Variants in TPP2 observed in about 807,000 individuals in gnomAD.
TPP2 encodes the protein tripeptidyl peptidase 2.
In TPP2, 34 loss-of-function variants were observed where a neutral mutation model predicts 155.9. The observed-to-expected ratio is 0.22, with a 90% CI of 0.17 to 0.29. The LOEUF is 0.29. Ranked by LOEUF, TPP2 falls within the 10% of genes least tolerant of loss-of-function variation. The pLI, the probability that TPP2 is intolerant of heterozygous loss-of-function variation, is 1.00. For synonymous variants in TPP2, 510 were observed against 529.4 expected, an observed-to-expected ratio of 0.96 and a Z score of 0.50; for missense variants, 1,028 against 1,522.3, an observed-to-expected ratio of 0.68 and a Z score of 5.40.
At chr13:102,650,588 A>G (rs941859826) in intron 23 of TPP2, among the ~76,000 whole-genome samples, 4 of 152,144 alleles carry the variant, frequency 2.6e-5, no homozygotes, top group African/African-American at 7.2e-5. Context: ...TGTAGATTTC[A>G]TTTCACAGGA....
rs56836714 is a variant in TPP2, at chr13:102,660,151, T to G, written c.3143+2944T>G. 1.4e-4 allele frequency among the ~76,000 whole-genome samples: 21 copies of G among 151,838 alleles called. No individual in the cohort carries two copies. The East Asian group carries it at 4.1e-3, about 29-fold the overall frequency. ...AAAATCTGAAGCTGATTCTTATAAG[T>G]TAAGATGTATATGGTAAGCCTTAGA... On this transcript the variant is annotated intron_variant, in intron 25 of 29. Coordinates refer to ENST00000376052, the MANE Select transcript of TPP2 (RefSeq NM_001330588.2).
chr13:102,654,777 A>G (rs1883744157), intron 24 of TPP2, among the ~76,000 whole-genome samples: 1 of 152,172 alleles, frequency 6.6e-6, no homozygotes, highest in African/African-American at 2.4e-5. Context: ...AGCCCCTTTA[A>G]TTCCTAGATG....
At chr13:102,616,358 G>T (rs1249640906) in intron 3 of TPP2, 38 bp from the exon 4 acceptor site, 3 of 1,542,536 alleles carry the variant, frequency 1.9e-6, no homozygotes, top group Non-Finnish European at 2.7e-6. Flanking sequence ...CTGAGTATTT[G>T]TCAGCCTAAT....
intron 3 of TPP2, 144 bp from the exon 4 acceptor site, chr13:102,616,252 C>T (rs1007786911): frequency 1.0e-5 from 6 of 575,564 alleles, no homozygotes; most frequent in South Asian, 3.3e-5. Context: ...CCACCACACC[C>T]GGCCAAAAAT....
intron 16 of TPP2, among the ~76,000 whole-genome samples, chr13:102,642,336 A>G (rs1342898464): frequency 1.3e-5 from 2 of 152,298 alleles, no homozygotes; most frequent in East Asian, 1.9e-4. Context: ...ATTAAAGAAT[A>G]CAAATCTATG....
At chr13:102,661,664 T>A (rs1004673017) in intron 25 of TPP2, among the ~76,000 whole-genome samples, 1 of 152,162 alleles carries the variant, frequency 6.6e-6, no homozygotes, top group Non-Finnish European at 1.5e-5. Context: ...GACCAGTAAG[T>A]GCATGAAAAA....
At position 102,630,323 on chromosome 13, in the gene TPP2, C is replaced by A. The variant is rs928625057; in HGVS notation, c.1244+128C>A. On this transcript the variant is annotated intron_variant, in intron 10 of 29. Coordinates refer to ENST00000376052, the MANE Select transcript of TPP2 (RefSeq NM_001330588.2). ...GTTTTTACTTTTTTTTCAGTATTTT[C>A]ATTTTGATTAACAGTCTCATCTCAG... 13 of 598,970 alleles carry A rather than the reference C, an allele frequency of 2.2e-5. No individual in the cohort carries two copies. The Admixed American group carries it at 4.0e-4, about 19-fold the overall frequency. The allele number at this position is 598,970 out of a possible 1,614,324, so 37.1% of individuals were successfully genotyped here. A position where few individuals can be genotyped will look rare whatever the true frequency, so the allele number is the denominator to read the frequency against.
chr13:102,677,779 T>C (rs1444982225), intron 29 of TPP2, among the ~76,000 whole-genome samples: 1 of 152,232 alleles, frequency 6.6e-6, no homozygotes, highest in East Asian at 1.9e-4. Flanking sequence ...CTGATAAATA[T>C]CTTATTACTT....
At chr13:102,673,628 A>G (rs539864992) in intron 27 of TPP2, among the ~76,000 whole-genome samples, 1 of 152,368 alleles carries the variant, frequency 6.6e-6, no homozygotes, top group Non-Finnish European at 1.5e-5. Context: ...GTAGTGATTA[A>G]GAGCACAGAT....
At chr13:102,608,170 C>T (rs1032920639) in intron 2 of TPP2, 19 of 152,118 alleles carry the variant, frequency 1.2e-4, no homozygotes, top group African/African-American at 4.6e-4. Flanking sequence ...TTTTACAAGG[C>T]TTCTAACAAA....
At chr13:102,638,345 G>A in intron 15 of TPP2, 30 bp downstream of exon 15, 2 of 1,592,812 alleles carry the variant, frequency 1.3e-6, no homozygotes, top group Non-Finnish European at 8.6e-7. Context: ...CAGCTTACTG[G>A]TACATCTAAG....
At chr13:102,676,500 TA>T in intron 29 of TPP2, 85 bp downstream of exon 29, 1 of 1,503,574 alleles carries the variant, frequency 6.7e-7, no homozygotes, top group East Asian at 2.4e-5. Flanking sequence ...AGGACTGTGA[TA>T]TAGCAATACT....
chr13:102,647,269 A>G lies in TPP2; in HGVS notation c.2553A>G (p.Glu851=). 2 of 1,613,908 alleles carry G rather than the reference A, an allele frequency of 1.2e-6. No individual in the cohort carries two copies. Among genetic ancestry groups the G allele is most frequent in the Non-Finnish European group, 1.7e-6 (2 of 1,179,948 alleles). The change falls in exon 21 of 30, where the codon GAA becomes GAG. Residue 851 remains glutamate, a synonymous_variant. Transcript: ENST00000376052. ...TTTGTGAACTATTATATGAATCTGAATTTGACAGCCAACTGTGGATTATTT... is the reference window on the plus strand; with the variant it reads ...TTTGTGAACTATTATATGAATCTGAGTTTGACAGCCAACTGTGGATTATTT... The part of the protein sequence containing the change: ...PLLCELLYES[E]FDSQLWIIFD...
intron 27 of TPP2, chr13:102,667,855 C>T (rs755262174): frequency 2.7e-4 from 265 of 982,744 alleles, no homozygotes; most frequent in Middle Eastern, 5.1e-4. Flanking sequence ...TCTGGCCGAG[C>T]GACGGATGAA....
chr13:102,648,652 G>A (rs570391021), intron 21 of TPP2, among the ~76,000 whole-genome samples: 2 of 152,150 alleles, frequency 1.3e-5, no homozygotes, highest in African/African-American at 4.8e-5. Flanking sequence ...TTTGAAGTCA[G>A]ACCTGACTTC....
intron 20 of TPP2, 51 bp downstream of exon 20, chr13:102,646,441 A>C: frequency 7.0e-7 from 1 of 1,433,816 alleles, no homozygotes; most frequent in Non-Finnish European, 9.6e-7. Context: ...TTTGTGTTTT[A>C]TTTATGATTC....
At chr13:102,647,390 T>G in intron 21 of TPP2, 46 bp downstream of exon 21, 2 of 1,583,304 alleles carry the variant, frequency 1.3e-6, no homozygotes, top group Non-Finnish European at 1.7e-6. Flanking sequence ...AGCTGTTTCC[T>G]GAACTAACAA....
At chr13:102,648,187 C>T (rs1292426687) in intron 21 of TPP2, among the ~76,000 whole-genome samples, 1 of 151,954 alleles carries the variant, frequency 6.6e-6, no homozygotes, top group Non-Finnish European at 1.5e-5. Context: ...CTGTTTTTTT[C>T]CTGTCTGTAA....
rs76075400 is a variant in TPP2 at position 102,638,335 on chromosome 13, C to G, written c.1913+20C>G. ...AGCAAAGTAAGTAACAGGTTACTCA[C>G]AGCTTACTGGTACATCTAAGATTTT... On this transcript the variant is annotated intron_variant, in intron 15 of 29. Transcript: ENST00000376052. The G allele has an allele frequency of 6.2e-7, 1 of 1,607,230 alleles. No homozygotes were observed. Among genetic ancestry groups the G allele is most frequent in the Middle Eastern group, 1.7e-4 (1 of 6,054 alleles).
Sources: gnomAD v4.1 joint callset for allele counts (sites outside exome capture counted in the v4.1 genomes callset) on GRCh38, gnomAD v4.1.1 for gene constraint, MANE v1.5 for transcripts, NCBI Gene and HGNC (gene_info 2026-07-23, HGNC 2026-07-21) for gene names.